EFCAB8: variants seen among roughly 807,000 people sequenced by gnomAD.
EFCAB8 encodes the protein EF-hand calcium binding domain 8.
EFCAB8 carries 100 observed loss-of-function variants against 116.3 expected under a neutral mutation model. The ratio of observed to expected loss-of-function variants is 0.86; its 90% CI spans 0.73 to 1.02. The LOEUF (loss-of-function observed/expected upper bound fraction) is 1.02, where lower values mean the gene tolerates loss of function less well. Among genes scored for constraint, EFCAB8 ranks in the 50% least tolerant of loss-of-function variants. EFCAB8 has a pLI of 0.00. For synonymous variants in EFCAB8, 558 were observed against 567.9 expected (o/e 0.98, Z 0.25); for missense variants, 1,320 against 1,416.9 (o/e 0.93, Z 1.10).
chr20:32,901,385 G>A (rs1986417481), intron 11 of EFCAB8, among the ~76,000 whole-genome samples: 1 of 152,242 alleles, frequency 6.6e-6, no homozygotes, highest in Admixed American at 6.5e-5. Flanking sequence ...TTTGTGTTGG[G>A]CCACATTCAG....
intron 3 of EFCAB8, 31 bp from the exon 4 acceptor site, chr20:32,875,895 G>A (rs1429986057): frequency 6.5e-7 from 1 of 1,541,834 alleles, no homozygotes; most frequent in Admixed American, 2.0e-5. Context: ...TTGTGAGGAA[G>A]GGGATGATGC....
intron 26 of EFCAB8, 87 bp downstream of exon 26, chr20:32,960,248 C>T (rs1251497660): frequency 1.6e-6 from 2 of 1,218,792 alleles, no homozygotes; most frequent in African/African-American, 3.0e-5. Flanking sequence ...TGTGCCCACA[C>T]AGCCCTTCAG....
chr20:32,861,699 A>G (rs1219924364), intron 1 of EFCAB8, among the ~76,000 whole-genome samples: 3 of 152,090 alleles, frequency 2.0e-5, no homozygotes, highest in African/African-American at 7.2e-5. Context: ...AGGAGTGCAA[A>G]ACCAGCCTGG....
chr20:32,892,948 C>T (rs1600392195), intron 8 of EFCAB8, among the ~76,000 whole-genome samples: 1 of 151,428 alleles, frequency 6.6e-6, no homozygotes, highest in African/African-American at 2.4e-5. Context: ...TCAAGTGATT[C>T]TCCTGCCTCA....
chr20:32,892,299 T>G lies in EFCAB8; in HGVS notation c.758+2T>G. The G allele has an allele frequency of 6.4e-7, 1 of 1,551,438 alleles. No homozygotes were observed. Among genetic ancestry groups the G allele is most frequent in the Non-Finnish European group, 8.7e-7 (1 of 1,146,910 alleles). On this transcript the variant is annotated splice_donor_variant, in intron 8 of 26. Coordinates refer to ENST00000400522, the MANE Select transcript of EFCAB8 (RefSeq NM_001143967.2). LOFTEE classifies it high-confidence loss of function. The stretch of plus-strand genomic sequence containing the variant: ...CTGTGCTCTGGTCATGGACTACTGG[T>G]GAGTCTCCACTGGGTGTTCCTCACA...
At chr20:32,885,427 GCT>G (rs1985572128) in intron 5 of EFCAB8, 76 bp from the exon 6 acceptor site, 8 of 1,524,472 alleles carry the variant, frequency 5.2e-6, no homozygotes, top group Non-Finnish European at 6.2e-6. Context: ...CTCCTCGGTG[GCT>G]CTCTGTTCTG....
intron 3 of EFCAB8, among the ~76,000 whole-genome samples, chr20:32,872,648 G>A (rs1253823536): frequency 6.6e-6 from 1 of 151,746 alleles, no homozygotes; most frequent in Non-Finnish European, 1.5e-5. Context: ...ACAAAAATTA[G>A]CTGGGCATGG....
intron 20 of EFCAB8, among the ~76,000 whole-genome samples, chr20:32,920,942 G>A (rs764021677): frequency 6.6e-6 from 1 of 152,132 alleles, no homozygotes; most frequent in South Asian, 2.1e-4. Flanking sequence ...CACGAGTTGG[G>A]TATGGGTTCA....
chr20:32,859,590 A>T (rs1304881864), intron 1 of EFCAB8, among the ~76,000 whole-genome samples: 1 of 152,250 alleles, frequency 6.6e-6, no homozygotes, highest in Non-Finnish European at 1.5e-5. Flanking sequence ...TTAGTTTTGA[A>T]ATAATTAAAA....
rs1987895874 is a variant in EFCAB8 at position 32,931,208 on chromosome 20, A to G, written c.2662A>G (p.Ile888Val). 1 of 1,549,920 alleles carries G rather than the reference A, an allele frequency of 6.5e-7. No homozygotes were observed. The highest frequency in any genetic ancestry group is 8.7e-7 in the Non-Finnish European group (1 of 1,146,286). The change falls in exon 22 of 27, where the codon ATT becomes GTT. Residue 888 changes from isoleucine to valine, a missense_variant. Coordinates refer to ENST00000400522, the MANE Select transcript of EFCAB8 (RefSeq NM_001143967.2). Reference protein sequence around the residue: ...IWDIKDYCALIDKQPFQSSGA... With the variant: ...IWDIKDYCALVDKQPFQSSGA... ...GGACATCAAGGATTACTGCGCATTG[A>G]TTGATAAACAGCCATTCCAATCCAG... is the stretch of plus-strand genomic sequence containing the variant.
At chr20:32,939,167 CT>C (rs1568941620) in intron 22 of EFCAB8, among the ~76,000 whole-genome samples, 2 of 89,478 alleles carry the variant, frequency 2.2e-5, no homozygotes, top group African/African-American at 9.0e-5. Context: ...TTCTTTCTTT[CT>C]TTCTTTCTTT....
chr20:32,863,567 G>C (rs74590750), intron 1 of EFCAB8, among the ~76,000 whole-genome samples: 29 of 152,290 alleles, frequency 1.9e-4, no homozygotes, highest in African/African-American at 6.3e-4. Flanking sequence ...GGGAAGAAAG[G>C]CTCAAGTGCA....
rs1414393744 is a variant in EFCAB8 at position 32,863,845 on chromosome 20, C to T, written c.42+11C>T. On this transcript the variant is annotated intron_variant, in intron 2 of 26. Transcript: ENST00000400522. ...CCTCAACTCCAAAAGGTAAGAAAGA[C>T]AATTATCTGAACTAATAAAGGGTGG... 2 of 1,551,124 alleles carry T rather than the reference C, an allele frequency of 1.3e-6. No homozygotes were observed. Among genetic ancestry groups the T allele is most frequent in the Non-Finnish European group, 1.7e-6 (2 of 1,146,724 alleles).
chr20:32,871,148 G>A (rs1309640187), intron 3 of EFCAB8, among the ~76,000 whole-genome samples: 3 of 150,982 alleles, frequency 2.0e-5, no homozygotes, highest in African/African-American at 7.4e-5. Context: ...CACCGTGCCC[G>A]GCCCTCTCTA....
intron 22 of EFCAB8, among the ~76,000 whole-genome samples, chr20:32,935,188 C>CTTTTT (rs754022404): frequency 2.3e-3 from 155 of 66,798 alleles, no homozygotes; most frequent in Non-Finnish European, 2.9e-3. Flanking sequence ...TTCTTTCTTT[C>CTTTTT]TTTCTTTTTT....
At chr20:32,923,411 G>A (rs769021240) in intron 20 of EFCAB8, among the ~76,000 whole-genome samples, 4 of 151,898 alleles carry the variant, frequency 2.6e-5, no homozygotes, top group Non-Finnish European at 4.4e-5. Flanking sequence ...GATTGAACCC[G>A]GGAGGCGGAG....
intron 22 of EFCAB8, among the ~76,000 whole-genome samples, chr20:32,936,788 A>G (rs1340004919): frequency 6.6e-6 from 1 of 152,212 alleles, no homozygotes. Flanking sequence ...TGTTTTGGCT[A>G]GCCAGGGTCT....
intron 5 of EFCAB8, among the ~76,000 whole-genome samples, chr20:32,879,993 G>A (rs1399003741): frequency 6.6e-6 from 1 of 152,172 alleles, no homozygotes; most frequent in African/African-American, 2.4e-5. Context: ...GACCTGCTGG[G>A]CCTGGGCTGC....
At chr20:32,868,575 C>T (rs1316020453) in intron 3 of EFCAB8, among the ~76,000 whole-genome samples, 2 of 152,054 alleles carry the variant, frequency 1.3e-5, no homozygotes, top group Admixed American at 6.6e-5. Context: ...GTGATAATAC[C>T]ACAGTCTTAG....
Sources: gnomAD v4.1 joint callset for allele counts (sites outside exome capture counted in the v4.1 genomes callset) on GRCh38, gnomAD v4.1.1 for gene constraint, MANE v1.5 for transcripts, NCBI Gene and HGNC (gene_info 2026-07-23, HGNC 2026-07-21) for gene names.